The following SAMTOR variants were observed in gnomAD, a reference collection of about 807,000 sequenced individuals.
The protein encoded by SAMTOR is S-adenosylmethionine sensor upstream of mTORC1, also known as UPF0532 protein C7orf60.
chr7:112,859,477 A>C, the SAMTOR span, among the ~76,000 whole-genome samples: 1 of 152,218 alleles, frequency 6.6e-6, no homozygotes, highest in Non-Finnish European at 1.5e-5. Flanking sequence ...ATTATTGGTT[A>C]TGTATTTACT....
At chr7:112,886,066 G>A in the SAMTOR span, among the ~76,000 whole-genome samples, 1 of 152,196 alleles carries the variant, frequency 6.6e-6, no homozygotes, top group Admixed American at 6.5e-5. Context: ...GCAAAAGGGG[G>A]AAAAGCCCCT....
the SAMTOR span, among the ~76,000 whole-genome samples, chr7:112,889,741 A>C: frequency 8.5e-5 from 13 of 152,230 alleles, no homozygotes; most frequent in Non-Finnish European, 1.3e-4. Flanking sequence ...TTATTCATAA[A>C]AACCAGGTGA....
the SAMTOR span, among the ~76,000 whole-genome samples, chr7:112,855,885 A>G: frequency 6.6e-6 from 1 of 151,712 alleles, no homozygotes; most frequent in Admixed American, 6.6e-5. Context: ...AATCTTGCCT[A>G]CCTCACCATG....
the SAMTOR span, among the ~76,000 whole-genome samples, chr7:112,839,316 C>A: frequency 3.3e-5 from 5 of 151,808 alleles, no homozygotes; most frequent in African/African-American, 1.2e-4. Context: ...CAAAAGAATG[C>A]CAACCAATAT....
At chr7:112,846,667 A>T in the SAMTOR span, among the ~76,000 whole-genome samples, 1 of 152,188 alleles carries the variant, frequency 6.6e-6, no homozygotes, top group Non-Finnish European at 1.5e-5. Context: ...TAGGGAACCT[A>T]CGGTGATGAG....
the SAMTOR span, among the ~76,000 whole-genome samples, chr7:112,921,123 G>A: frequency 6.6e-6 from 1 of 152,256 alleles, no homozygotes; most frequent in African/African-American, 2.4e-5. Flanking sequence ...AACCAAAAAA[G>A]AGCCCGCATC....
the SAMTOR span, among the ~76,000 whole-genome samples, chr7:112,876,792 C>CA: frequency 1.3e-5 from 2 of 152,212 alleles, no homozygotes; most frequent in African/African-American, 4.8e-5. Flanking sequence ...ATCTAAAACT[C>CA]AGTCAGCTGT....
At chr7:112,903,244 G>A in the SAMTOR span, among the ~76,000 whole-genome samples, 1 of 151,938 alleles carries the variant, frequency 6.6e-6, no homozygotes, top group African/African-American at 2.4e-5. Context: ...CCCTGGAAGT[G>A]GAGGCTGCAG....
the SAMTOR span, among the ~76,000 whole-genome samples, chr7:112,901,426 C>A: frequency 3.3e-4 from 51 of 152,312 alleles, no homozygotes; most frequent in Non-Finnish European, 5.1e-4. Flanking sequence ...CATATAACCC[C>A]CAGATGGGAC....
At chr7:112,918,729 C>T in the SAMTOR span, among the ~76,000 whole-genome samples, 2 of 151,994 alleles carry the variant, frequency 1.3e-5, no homozygotes, top group African/African-American at 4.8e-5. Flanking sequence ...CACACATAGG[C>T]TCAAAATAAA....
chr7:112,935,964 A>T, the SAMTOR span, among the ~76,000 whole-genome samples: 2 of 152,200 alleles, frequency 1.3e-5, no homozygotes, highest in Non-Finnish European at 2.9e-5. Flanking sequence ...CATATTTGTC[A>T]GGCTCATCTA....
At chr7:112,850,579 ATTAG>A in the SAMTOR span, among the ~76,000 whole-genome samples, 3 of 152,050 alleles carry the variant, frequency 2.0e-5, no homozygotes, top group Admixed American at 6.5e-5. Context: ...CAATTTCACT[ATTAG>A]TTATTGTTCT....
At chr7:112,821,597 G>T in the SAMTOR span, 2 of 695,200 alleles carry the variant, frequency 2.9e-6, no homozygotes, top group Non-Finnish European at 2.3e-6. Flanking sequence ...TTAAAATTGA[G>T]AAGTAGAAAA....
chr7:112,874,030 T>C, the SAMTOR span, among the ~76,000 whole-genome samples: 2 of 152,048 alleles, frequency 1.3e-5, no homozygotes, highest in South Asian at 2.1e-4. Flanking sequence ...AGAATGGCTA[T>C]TATCAAAAAG....
At chr7:112,909,013 G>A in the SAMTOR span, among the ~76,000 whole-genome samples, 1 of 152,134 alleles carries the variant, frequency 6.6e-6, no homozygotes, top group South Asian at 2.1e-4. Context: ...GCAAATGACC[G>A]TAACAACTGC....
chr7:112,871,766 TAAAC>T, the SAMTOR span, among the ~76,000 whole-genome samples: 219 of 152,208 alleles, frequency 1.4e-3, 2 homozygotes, highest in Middle Eastern at 6.8e-3. Context: ...GACCACTAGT[TAAAC>T]AAACAACCAG....
the SAMTOR span, among the ~76,000 whole-genome samples, chr7:112,874,191 C>T: frequency 6.6e-6 from 1 of 152,102 alleles, no homozygotes; most frequent in African/African-American, 2.4e-5. Flanking sequence ...AATCCCATTA[C>T]TGAGTATATA....
chr7:112,848,784 T>C, the SAMTOR span, among the ~76,000 whole-genome samples: 1 of 152,194 alleles, frequency 6.6e-6, no homozygotes, highest in Non-Finnish European at 1.5e-5. Context: ...TATTTCACTA[T>C]ATTTCTTTAA....
the SAMTOR span, among the ~76,000 whole-genome samples, chr7:112,929,409 G>A: frequency 7.2e-5 from 11 of 151,978 alleles, no homozygotes; most frequent in African/African-American, 2.7e-4. Flanking sequence ...CCATCTGTTA[G>A]GATGGCTATT....
Sources: allele counts gnomAD v4.1 joint callset (sites outside exome capture counted in the v4.1 genomes callset), GRCh38; gene constraint gnomAD v4.1.1; transcripts MANE v1.5; gene names NCBI Gene and HGNC (gene_info 2026-07-23, HGNC 2026-07-21).